The following ANXA8 variants were observed in gnomAD, a reference collection of about 807,000 sequenced individuals.
ANXA8 encodes VAC-beta.
Under a neutral mutation model 26.8 loss-of-function variants are expected in ANXA8, and 9 were observed. The ratio of observed to expected loss-of-function variants is 0.34; its 90% CI spans 0.20 to 0.59. The LOEUF (loss-of-function observed/expected upper bound fraction) is 0.59, where lower values mean the gene tolerates loss of function less well. Among genes scored for constraint, ANXA8 ranks in the 20% least tolerant of loss-of-function variants. ANXA8 has a pLI of 0.84. For synonymous variants in ANXA8, 39 were observed against 94.8 expected (o/e 0.41, Z 3.42); for missense variants, 83 against 238.5 (o/e 0.35, Z 4.29).
At chr10:47,943,870 G>A in the ANXA8 span, among the ~76,000 whole-genome samples, 7 of 147,618 alleles carry the variant, frequency 4.7e-5, no homozygotes, top group Admixed American at 1.3e-4. Context: ...TGCCTGGTCC[G>A]GGGCAGTCTG....
At chr10:47,561,986 C>T in the ANXA8 span, among the ~76,000 whole-genome samples, 1 of 151,202 alleles carries the variant, frequency 6.6e-6, no homozygotes, top group South Asian at 2.1e-4. Flanking sequence ...CAGATATCTG[C>T]TGTGTGCTAG....
At chr10:47,682,927 C>T in the ANXA8 span, among the ~76,000 whole-genome samples, 1 of 152,230 alleles carries the variant, frequency 6.6e-6, no homozygotes, top group Non-Finnish European at 1.5e-5. Flanking sequence ...CTCACCCACA[C>T]TGGCCTAAGG....
At chr10:47,747,108 G>A in the ANXA8 span, among the ~76,000 whole-genome samples, 1 of 146,022 alleles carries the variant, frequency 6.8e-6, no homozygotes, top group East Asian at 2.1e-4. Context: ...AGGCAAGCTG[G>A]CCCTCTGTGA....
At chr10:47,744,413 G>GGGGGGGAGGGGGGAA in the ANXA8 span, among the ~76,000 whole-genome samples, 51 of 3,954 alleles carry the variant, frequency 0.013, no homozygotes, top group Admixed American at 0.018. Context: ...GCTCCTGGTG[G>GGGGGGGAGGGGGGAA]GGGGGGGGTT....
chr10:47,928,746 C>CTTTT, the ANXA8 span, among the ~76,000 whole-genome samples: 2 of 100,904 alleles, frequency 2.0e-5, no homozygotes, highest in Admixed American at 1.1e-4. Flanking sequence ...CTTTCTCTCT[C>CTTTT]TCTCTTTTTT....
the ANXA8 span, chr10:47,696,542 A>C: frequency 7.8e-7 from 1 of 1,284,216 alleles, no homozygotes; most frequent in East Asian, 2.7e-5. Flanking sequence ...GTAATGTATT[A>C]GTGTTTAAAG....
chr10:47,565,613 C>A, the ANXA8 span: 8 of 307,478 alleles, frequency 2.6e-5, no homozygotes, highest in African/African-American at 1.6e-4. Context: ...GGCGCGCTAC[C>A]CCGCGCGCGG....
At chr10:47,694,507 G>A in the ANXA8 span, among the ~76,000 whole-genome samples, 3 of 143,996 alleles carry the variant, frequency 2.1e-5, no homozygotes, top group Non-Finnish European at 4.5e-5. Flanking sequence ...TGCAACCTCT[G>A]CCTCCTGGGT....
chr10:47,571,337 T>C, the ANXA8 span, among the ~76,000 whole-genome samples: 1 of 146,102 alleles, frequency 6.8e-6, no homozygotes, highest in Middle Eastern at 3.4e-3. Flanking sequence ...AAAGGCCTCA[T>C]TGACCCATGA....
At chr10:47,484,166 C>T (rs1839967157), upstream of ANXA8, 1 of 932,306 alleles carries the variant, frequency 1.1e-6, no homozygotes, top group South Asian at 1.4e-5. Flanking sequence ...CAGACACTGC[C>T]CAGGCCTGCT....
the ANXA8 span, among the ~76,000 whole-genome samples, chr10:47,937,277 C>T: frequency 0.019 from 2,878 of 149,444 alleles, 123 homozygotes; most frequent in African/African-American, 0.066. Context: ...ATGGATCTGC[C>T]ACCTACACAG....
chr10:47,498,994 C>G, the ANXA8 span, among the ~76,000 whole-genome samples: 1 of 140,230 alleles, frequency 7.1e-6, no homozygotes, highest in Non-Finnish European at 1.5e-5. Context: ...CCCAGTTACT[C>G]GGGAAGCTGA....
chr10:47,621,522 A>G, the ANXA8 span, among the ~76,000 whole-genome samples: 5 of 112,182 alleles, frequency 4.5e-5, 1 homozygote, highest in African/African-American at 1.7e-4. Flanking sequence ...CTTTCATAAA[A>G]TGCTAATTTC....
chr10:47,581,196 C>T, the ANXA8 span: 3 of 377,870 alleles, frequency 7.9e-6, no homozygotes, highest in African/African-American at 6.7e-5. Context: ...GAGGTCTGAA[C>T]CTAACACAGT....
the ANXA8 span, among the ~76,000 whole-genome samples, chr10:47,700,707 G>C: frequency 3.3e-5 from 5 of 151,458 alleles, no homozygotes; most frequent in Admixed American, 3.3e-4. Context: ...AAAGTCAAAA[G>C]ACAACTGACA....
the ANXA8 span, among the ~76,000 whole-genome samples, chr10:47,617,588 G>C: frequency 1.2e-4 from 17 of 146,598 alleles, no homozygotes; most frequent in African/African-American, 4.5e-4. Flanking sequence ...GGATGCTGTA[G>C]CTGTTATTTT....
the ANXA8 span, chr10:47,503,127 C>A: frequency 3.7e-6 from 6 of 1,610,760 alleles, no homozygotes; most frequent in African/African-American, 6.8e-5. Context: ...TGGTAGATGT[C>A]CGAAGGTCAA....
At chr10:47,973,781 A>G in the ANXA8 span, among the ~76,000 whole-genome samples, 1 of 151,242 alleles carries the variant, frequency 6.6e-6, no homozygotes, top group African/African-American at 2.4e-5. Context: ...TTAGAAAACC[A>G]AAAATGAAGA....
chr10:47,555,819 G>T, the ANXA8 span, among the ~76,000 whole-genome samples: 134 of 151,990 alleles, frequency 8.8e-4, 1 homozygote, highest in East Asian at 6.8e-3. Flanking sequence ...CCACACATTT[G>T]GTTTCAGAAG....
Sources: allele counts gnomAD v4.1 joint callset (sites outside exome capture counted in the v4.1 genomes callset), GRCh38; gene constraint gnomAD v4.1.1; transcripts MANE v1.5; gene names NCBI Gene and HGNC (gene_info 2026-07-23, HGNC 2026-07-21).